Variants in TFPI observed in about 807,000 individuals in gnomAD.
TFPI encodes tissue factor pathway inhibitor, also known as anti-convertin.
TFPI carries 15 observed loss-of-function variants against 34.6 expected under a neutral mutation model. The observed-to-expected ratio is 0.43, with a 90% confidence interval of 0.29 to 0.67. The LOEUF is 0.67. Ranked by LOEUF, TFPI falls within the 30% of genes least tolerant of loss-of-function variation. The probability of loss-of-function intolerance (pLI) is 0.15; values close to 1 mark genes in which losing one functional copy is unlikely to be tolerated. For missense variants in TFPI, 301 were observed against 364.0 expected, an observed-to-expected ratio of 0.83 and a Z score of 1.41; for synonymous variants, 105 against 120.1, an observed-to-expected ratio of 0.87 and a Z score of 0.82.
chr2:187,514,642 C>T (rs1686869918), intron 1 of TFPI: 1 of 152,222 alleles, frequency 6.6e-6, no homozygotes, highest in African/African-American at 2.4e-5. Context: ...TTGTGGTGGA[C>T]CTTTACTGGG....
intron 6 of TFPI, among the ~76,000 whole-genome samples, chr2:187,471,962 C>A (rs988795708): frequency 4.0e-5 from 6 of 151,716 alleles, no homozygotes; most frequent in African/African-American, 7.3e-5. Context: ...AATAACAAAT[C>A]TTTTTTAAAG....
chr2:187,502,707 C>T lies in TFPI; in HGVS notation c.121+941G>A, dbSNP rs908471552. Among the ~76,000 whole-genome samples the T allele has an allele frequency of 6.6e-4, 100 of 152,174 alleles. No individual in the cohort carries two copies. The Middle Eastern group carries it at 0.01, about 16-fold the overall frequency. On this transcript the variant is annotated intron_variant, in intron 2 of 7. Transcript: ENST00000233156. ...CTGTCACTTTGTGTACTACTTTATA[C>T]GGAAATAAACTGTCCACCCTTCACA...
intron 3 of TFPI, among the ~76,000 whole-genome samples, chr2:187,490,299 G>T (rs947324420): frequency 1.3e-5 from 2 of 151,486 alleles, no homozygotes; most frequent in East Asian, 3.9e-4. Flanking sequence ...AGTGATTGTT[G>T]TTTACTTTTT....
chr2:187,499,198 T>A (rs1199371365), intron 2 of TFPI, among the ~76,000 whole-genome samples: 23 of 151,848 alleles, frequency 1.5e-4, no homozygotes, highest in Admixed American at 1.5e-3. Context: ...CTTTAGAAGG[T>A]CTCTCAGGCA....
At chr2:187,541,652 A>G (rs896678304) in intron 1 of TFPI, among the ~76,000 whole-genome samples, 2 of 152,182 alleles carry the variant, frequency 1.3e-5, no homozygotes, top group African/African-American at 4.8e-5. Flanking sequence ...ACAAGTATAT[A>G]TAGTATTTGA....
At chr2:187,470,478 G>C (rs1228396279) in intron 6 of TFPI, among the ~76,000 whole-genome samples, 1 of 152,160 alleles carries the variant, frequency 6.6e-6, no homozygotes, top group Non-Finnish European at 1.5e-5. Flanking sequence ...TATGAGAAGA[G>C]GAGCCTCTGT....
chr2:187,497,341 G>GTACA (rs1246362357), intron 2 of TFPI, among the ~76,000 whole-genome samples: 1 of 151,948 alleles, frequency 6.6e-6, no homozygotes, highest in Non-Finnish European at 1.5e-5. Context: ...GTAGTTGTAA[G>GTACA]GCAACTTCAT....
chr2:187,527,455 G>C lies in TFPI; in HGVS notation c.-2-23685C>G, dbSNP rs147667505. 3.8e-3 allele frequency among the ~76,000 whole-genome samples: 583 copies of C among 152,230 alleles called. 3 individuals carry two copies. Among genetic ancestry groups the C allele is most frequent in the African/African-American group, 0.013 (539 of 41,524 alleles). On this transcript the variant is annotated intron_variant, in intron 1 of 7. Transcript: ENST00000233156. ...ATACATTGTGGGAATGCAAATGTTT[G>C]AGCAGTTTCCCAGGGGAGGTTTAAG...
intron 3 of TFPI, among the ~76,000 whole-genome samples, chr2:187,491,614 TTACGTTGATTTTA>T: frequency 6.6e-6 from 1 of 152,186 alleles, no homozygotes; most frequent in Middle Eastern, 3.4e-3. Context: ...TAATAGACAC[TTACGTTGATTTTA>T]TATCTTTGCT....
intron 3 of TFPI, among the ~76,000 whole-genome samples, chr2:187,491,866 A>AT (rs1181974178): frequency 4.6e-5 from 7 of 151,948 alleles, no homozygotes; most frequent in African/African-American, 1.7e-4. Flanking sequence ...AACATCTGTT[A>AT]TTTTTTGACT....
At chr2:187,496,788 C>A in intron 3 of TFPI, 93 bp downstream of exon 3, 1 of 1,123,992 alleles carries the variant, frequency 8.9e-7, no homozygotes, top group South Asian at 1.6e-5. Context: ...ATTAAAACAG[C>A]ATGAAATTAC....
At chr2:187,534,277 C>T (rs903839265) in intron 1 of TFPI, among the ~76,000 whole-genome samples, 5 of 152,230 alleles carry the variant, frequency 3.3e-5, no homozygotes, top group African/African-American at 1.2e-4. Context: ...TCAGATTCAA[C>T]AAGGTTGAAA....
intron 1 of TFPI, among the ~76,000 whole-genome samples, chr2:187,553,724 C>T (rs750642676): frequency 2.6e-4 from 40 of 151,864 alleles, no homozygotes; most frequent in Non-Finnish European, 5.0e-4. Flanking sequence ...ATTTAGATTA[C>T]GATTATTTTA....
At chr2:187,498,401 C>A (rs1238226773) in intron 2 of TFPI, among the ~76,000 whole-genome samples, 1 of 151,624 alleles carries the variant, frequency 6.6e-6, no homozygotes, top group Non-Finnish European at 1.5e-5. Flanking sequence ...GAATTAATAG[C>A]AAGTATTAGT....
chr2:187,484,622 A>G (rs1216704621), intron 5 of TFPI, 189 bp downstream of exon 5: 2 of 532,374 alleles, frequency 3.8e-6, no homozygotes, highest in Non-Finnish European at 6.4e-6. Context: ...TATTAGATCT[A>G]TGAAAATAAT....
In TFPI at chr2:187,521,790, A is replaced by G. The variant is rs146660559; in HGVS notation, c.-2-18020T>C. 8.0e-3 allele frequency among the ~76,000 whole-genome samples: 1,219 copies of G among 152,124 alleles called. 8 individuals are homozygous for G. Among genetic ancestry groups the G allele is most frequent in the African/African-American group, 0.011 (457 of 41,446 alleles). On this transcript the variant is annotated intron_variant, in intron 1 of 7. Transcript: ENST00000233156. ...CACCATGTTGGCCAGGCTGGTCTCC[A>G]ACTGCGGACCTCATGATCCACCTGC...
chr2:187,529,911 T>C (rs1687874296), intron 1 of TFPI, among the ~76,000 whole-genome samples: 1 of 152,222 alleles, frequency 6.6e-6, no homozygotes, highest in Admixed American at 6.5e-5. Flanking sequence ...CACATTTCTA[T>C]TGAAAATACA....
At chr2:187,536,397 G>A (rs1374182449) in intron 1 of TFPI, among the ~76,000 whole-genome samples, 2 of 152,134 alleles carry the variant, frequency 1.3e-5, no homozygotes, top group African/African-American at 4.8e-5. Flanking sequence ...CCATTAAGTT[G>A]GCTTCATCCC....
chr2:187,480,441 C>T (rs919374775), intron 6 of TFPI, among the ~76,000 whole-genome samples: 1 of 152,116 alleles, frequency 6.6e-6, no homozygotes, highest in Non-Finnish European at 1.5e-5. Context: ...TTACCATCCT[C>T]ATTTTACATT....
Sources: allele counts gnomAD v4.1 joint callset (sites outside exome capture counted in the v4.1 genomes callset), GRCh38; gene constraint gnomAD v4.1.1; transcripts MANE v1.5; gene names NCBI Gene and HGNC (gene_info 2026-07-23, HGNC 2026-07-21).